Variants in SLC12A7 observed in about 807,000 individuals in gnomAD.
SLC12A7 encodes the protein K-Cl cotransporter 4.
Under a neutral mutation model 120.6 loss-of-function variants are expected in SLC12A7, and 100 were observed. The observed-to-expected ratio is 0.83, with a 90% CI of 0.71 to 0.98. The LOEUF (loss-of-function observed/expected upper bound fraction) is 0.98, where lower values mean the gene tolerates loss of function less well. Ranked by LOEUF, SLC12A7 falls within the 50% of genes least tolerant of loss-of-function variation. The pLI, the probability that SLC12A7 is intolerant of heterozygous loss-of-function variation, is 0.00. For missense variants in SLC12A7, 1,373 were observed against 1,548.1 expected, an observed-to-expected ratio of 0.89 and a Z score of 1.90; for synonymous variants, 760 against 678.0, an observed-to-expected ratio of 1.12 and a Z score of -1.88.
At position 1,077,565 on chromosome 5, in the gene SLC12A7, C is replaced by T. The variant is rs13156064; in HGVS notation, c.1629+268G>A. On this transcript the variant is annotated intron_variant, in intron 12 of 23. Coordinates refer to ENST00000264930, the MANE Select transcript of SLC12A7 (RefSeq NM_006598.3). The stretch of plus-strand genomic sequence containing the variant: ...AGACAACAGACCAGGCACCTCTGGA[C>T]ACGTGGCTGTGGGCCCTCACAGCCG... Among the ~76,000 whole-genome samples, 58,418 of 152,032 alleles carry T rather than the reference C, an allele frequency of 0.38. 12,584 individuals are homozygous for T. The highest frequency in any genetic ancestry group is 0.59 in the East Asian group (3,037 of 5,134).
upstream of SLC12A7, among the ~76,000 whole-genome samples, chr5:1,116,016 C>T (rs1389454081): frequency 6.6e-6 from 1 of 151,964 alleles, no homozygotes; most frequent in Non-Finnish European, 1.5e-5. Flanking sequence ...AGTCTCCGGC[C>T]ACCTGTGGGA....
intron 8 of SLC12A7, among the ~76,000 whole-genome samples, chr5:1,082,541 G>A (rs1739295273): frequency 1.5e-5 from 2 of 137,102 alleles, no homozygotes; most frequent in Non-Finnish European, 3.1e-5. Context: ...GTTCTGGAAA[G>A]TCCGGGCTTC....
chr5:1,068,339 CAGG>C (rs967231200), intron 17 of SLC12A7, among the ~76,000 whole-genome samples: 52 of 152,184 alleles, frequency 3.4e-4, no homozygotes, highest in Non-Finnish European at 6.0e-4. Flanking sequence ...GAGGCTGAGG[CAGG>C]AGAACTGCTT....
rs377731507 is a variant in SLC12A7 at position 1,057,460 on chromosome 5, C to A, written c.3026+11G>T. 2 of 1,603,836 alleles carry A rather than the reference C, an allele frequency of 1.2e-6. No homozygotes were observed. The highest frequency in any genetic ancestry group is 2.7e-5 in the African/African-American group (2 of 74,832). On this transcript the variant is annotated intron_variant, in intron 22 of 23. Transcript: ENST00000264930. ...ATCTGTTCCCCCCAGGCCACACGCA[C>A]GGACACTCACGGCTTCATGCTGAAG... is the stretch of plus-strand genomic sequence containing the variant.
Position 1,081,729 on chromosome 5 carries a change from G to C in SLC12A7, c.1145C>G (p.Thr382Arg), listed in dbSNP as rs141825245. Residue 382 changes from threonine (T) to arginine (R), a missense_variant, in exon 9 of 24, where the codon ACG becomes AGG. Transcript: ENST00000264930. The part of the protein sequence containing the change: ...SGVFLENLWS[T>R]YAHAGAFVEK... ...CACAAACGCCCCCGCGTGCGCGTAC[G>C]TACTCCACAGGTTCTCTGCCGGGCA... 6.2e-7 allele frequency: 1 copy of C among 1,612,502 alleles called. No homozygotes were observed. The highest frequency in any genetic ancestry group is 8.5e-7 in the Non-Finnish European group (1 of 1,179,674).
At chr5:1,137,634 G>A in the SLC12A7 span, among the ~76,000 whole-genome samples, 3 of 152,230 alleles carry the variant, frequency 2.0e-5, no homozygotes, top group African/African-American at 7.2e-5. Flanking sequence ...GCCTCATCCT[G>A]GACTTGGCAA....
At chr5:1,056,385 C>T (rs766929984) in intron 22 of SLC12A7, among the ~76,000 whole-genome samples, 32 of 152,128 alleles carry the variant, frequency 2.1e-4, no homozygotes, top group Admixed American at 7.9e-4. Flanking sequence ...CAGAGGGGAG[C>T]GAAGGCAACA....
the SLC12A7 span, among the ~76,000 whole-genome samples, chr5:1,136,762 C>A: frequency 2.2e-4 from 29 of 134,868 alleles, no homozygotes; most frequent in South Asian, 5.5e-3. Flanking sequence ...CACGCAGGCA[C>A]ACGTGTGCTC....
intron 1 of SLC12A7, among the ~76,000 whole-genome samples, chr5:1,100,819 G>A (rs572324001): frequency 7.9e-5 from 12 of 152,346 alleles, no homozygotes; most frequent in Middle Eastern, 3.4e-3. Context: ...CCGAGAAACC[G>A]TCACAGCCAA....
rs948982875 is a variant in SLC12A7, at chr5:1,078,691, G to A, written c.1454+10C>T. The A allele has an allele frequency of 8.1e-6, 13 of 1,610,224 alleles. No individual in the cohort carries two copies. Among genetic ancestry groups the A allele is most frequent in the South Asian group, 2.2e-5 (2 of 90,944 alleles). On this transcript the variant is annotated intron_variant, in intron 11 of 23. Coordinates refer to ENST00000264930, the MANE Select transcript of SLC12A7 (RefSeq NM_006598.3). ...CAGGCTTTGCACGAAAACTGCAGGT[G>A]GAAACGTACTTATCTCGTAAGACCA...
At chr5:1,108,934 A>T (rs1006285122) in intron 1 of SLC12A7, among the ~76,000 whole-genome samples, 5 of 152,176 alleles carry the variant, frequency 3.3e-5, no homozygotes, top group African/African-American at 1.2e-4. Flanking sequence ...GACAACCGAC[A>T]CGAGCTCAGC....
intron 2 of SLC12A7, 130 bp downstream of exon 2, chr5:1,094,024 G>A: frequency 1.5e-6 from 1 of 688,962 alleles, no homozygotes; most frequent in Non-Finnish European, 2.5e-6. Context: ...AGGACAGGGA[G>A]GCCCCAGTTC....
At chr5:1,078,637 T>A in intron 11 of SLC12A7, 64 bp downstream of exon 11, 1 of 1,357,552 alleles carries the variant, frequency 7.4e-7, no homozygotes, top group Non-Finnish European at 1.1e-6. Flanking sequence ...CAAAGCCGAA[T>A]TCATCCTCAG....
At chr5:1,066,314 C>G (rs1737049107) in intron 17 of SLC12A7, among the ~76,000 whole-genome samples, 1 of 152,166 alleles carries the variant, frequency 6.6e-6, no homozygotes, top group African/African-American at 2.4e-5. Flanking sequence ...CCAGGATGGA[C>G]CAGACCCCAC....
At chr5:1,126,682 T>A in the SLC12A7 span, among the ~76,000 whole-genome samples, 1 of 152,346 alleles carries the variant, frequency 6.6e-6, no homozygotes, top group African/African-American at 2.4e-5. Flanking sequence ...TGTTTCCCTC[T>A]ATGTGTCCAT....
chr5:1,092,676 G>T (rs547936533), intron 3 of SLC12A7, among the ~76,000 whole-genome samples: 53 of 152,302 alleles, frequency 3.5e-4, no homozygotes, highest in Non-Finnish European at 6.5e-4. Flanking sequence ...GGGGGAGGCC[G>T]TCGCCCGGCT....
chr5:1,095,021 G>GCGGTAGGAGGCGGGGC (rs1561094800), intron 1 of SLC12A7, among the ~76,000 whole-genome samples: 4 of 123,822 alleles, frequency 3.2e-5, no homozygotes, highest in Non-Finnish European at 7.1e-5. Context: ...GGAGGTGGGG[G>GCGGTAGGAGGCGGGGC]CGGTAGGAGG....
chr5:1,078,522 G>T lies in SLC12A7; in HGVS notation c.1454+179C>A, dbSNP rs536116169. On this transcript the variant is annotated intron_variant, in intron 11 of 23. Transcript: ENST00000264930. ...GCTCTGAACGGTTCCCCAGGCCCTA[G>T]GCTCCAGCGGAAGAGACGACACATC... 1,795 of 646,046 alleles carry T rather than the reference G, an allele frequency of 2.8e-3. 13 individuals carry two copies. Among genetic ancestry groups the T allele is most frequent in the South Asian group, 8.4e-3 (451 of 53,898 alleles). The allele number at this position is 646,046 out of a possible 1,614,324, so 40.0% of individuals were successfully genotyped here.
intron 17 of SLC12A7, among the ~76,000 whole-genome samples, chr5:1,068,913 C>T (rs1186901909): frequency 6.6e-6 from 1 of 152,262 alleles, no homozygotes; most frequent in Non-Finnish European, 1.5e-5. Flanking sequence ...GGAGGCCAGG[C>T]AGTGCCAGGA....
Sources: allele counts gnomAD v4.1 joint callset (sites outside exome capture counted in the v4.1 genomes callset), GRCh38; gene constraint gnomAD v4.1.1; transcripts MANE v1.5; gene names NCBI Gene and HGNC (gene_info 2026-07-23, HGNC 2026-07-21).